Variants in CDC26 observed in about 807,000 individuals in gnomAD.
CDC26 encodes cell division cycle 26.
Under a neutral mutation model 8.0 loss-of-function variants are expected in CDC26, and 2 were observed. The observed-to-expected ratio is 0.25, with a 90% CI of 0.10 to 0.79. CDC26 has a LOEUF of 0.79. CDC26 is among the 30% of genes least tolerant of loss of function. The pLI is 0.70. For missense variants in CDC26, 68 were observed against 106.0 expected (o/e 0.64, Z 1.57); for synonymous variants, 19 against 34.9 (o/e 0.55, Z 1.60).
intron 3 of CDC26, among the ~76,000 whole-genome samples, chr9:113,268,059 T>C (rs1356270397): frequency 6.6e-6 from 1 of 152,076 alleles, no homozygotes; most frequent in Non-Finnish European, 1.5e-5. Flanking sequence ...AACAGACGAT[T>C]ATAGGGTGAT....
At chr9:113,273,204 T>C (rs1831987563) in intron 2 of CDC26, 125 bp downstream of exon 2, 1 of 152,202 alleles carries the variant, frequency 6.6e-6, no homozygotes, top group Non-Finnish European at 1.5e-5. Context: ...CATCTTAGTA[T>C]AGTTAGAGGA....
rs1213944015 is a variant in CDC26 at position 113,275,546 on chromosome 9, C to G, written c.-316G>C. Reference sequence around the variant, plus strand: ...TGGAGGTTCTAGGAGGGATGCCCCTCAATGCCACGACGCCATTTCCTACTA... The same window carrying G: ...TGGAGGTTCTAGGAGGGATGCCCCTGAATGCCACGACGCCATTTCCTACTA... On this transcript the variant is annotated 5_prime_UTR_variant, in exon 1 of 4. It removes the in-frame stop codon of an upstream open reading frame in the 5' UTR. Transcript: ENST00000374206. 1.8e-6 allele frequency: 1 copy of G among 554,582 alleles called. No individual in the cohort carries two copies. The highest frequency in any genetic ancestry group is 1.9e-5 in the African/African-American group (1 of 51,378). The allele number at this position is 554,582 out of a possible 1,614,324, so 34.4% of individuals were successfully genotyped here.
chr9:113,269,067 A>T lies in CDC26; in HGVS notation c.82-1628T>A, dbSNP rs553760420. On this transcript the variant is annotated intron_variant, in intron 3 of 3. Transcript: ENST00000374206. ...CCGCACCCGGCCCACAAAAAAATTT[A>T]AAAATTAGCCAGGCATGGTGGCGCA... 5.9e-5 allele frequency among the ~76,000 whole-genome samples: 9 copies of T among 152,184 alleles called. No homozygotes were observed. In the East Asian group the frequency reaches 1.2e-3, roughly 20 times the overall value.
chr9:113,272,309 G>A (rs1289909799), intron 3 of CDC26, 118 bp downstream of exon 3: 31 of 743,092 alleles, frequency 4.2e-5, no homozygotes, highest in Non-Finnish European at 6.6e-5. Context: ...GTCCCAGCAC[G>A]CGGGAGGCTG....
intron 1 of CDC26, among the ~76,000 whole-genome samples, chr9:113,273,895 TA>T (rs1182217415): frequency 2.0e-5 from 3 of 151,730 alleles, no homozygotes; most frequent in African/African-American, 7.3e-5. Context: ...AATACTATGT[TA>T]ACAAAAACCA....
intron 3 of CDC26, among the ~76,000 whole-genome samples, chr9:113,268,517 T>A (rs1040639679): frequency 2.6e-5 from 4 of 152,192 alleles, no homozygotes; most frequent in Non-Finnish European, 5.9e-5. Context: ...GAGAGTGAAA[T>A]GATGTTTTAT....
intron 3 of CDC26, among the ~76,000 whole-genome samples, chr9:113,268,756 C>A (rs1002111333): frequency 6.6e-6 from 1 of 151,644 alleles, no homozygotes; most frequent in African/African-American, 2.4e-5. Context: ...TCTGTCTCCA[C>A]AATTTTTTTT....
intron 1 of CDC26, among the ~76,000 whole-genome samples, chr9:113,274,394 C>G (rs1832019906): frequency 6.6e-6 from 1 of 152,060 alleles, no homozygotes; most frequent in South Asian, 2.1e-4. Flanking sequence ...ATATTATCAA[C>G]ACAAAACACT....
rs965066868 is a variant in CDC26, at chr9:113,267,877, CT to C, written c.82-439del. On this transcript the variant is annotated intron_variant, in intron 3 of 3. Transcript: ENST00000374206. ...TGGCGCATGCCTGTAATCCCAGCTA[CT>C]TGGGAGGCTGAGGCAGGAGAATCGC... Among the ~76,000 whole-genome samples, 44 of 152,220 alleles carry C rather than the reference CT, an allele frequency of 2.9e-4. 1 individual carries two copies. The highest frequency in any genetic ancestry group is 2.6e-3 in the Admixed American group (40 of 15,276).
At chr9:113,268,014 C>T (rs1831890950) in intron 3 of CDC26, among the ~76,000 whole-genome samples, 1 of 151,830 alleles carries the variant, frequency 6.6e-6, no homozygotes, top group Admixed American at 6.6e-5. Context: ...AACCCCTACC[C>T]TCCAGGATGT....
intron 1 of CDC26, among the ~76,000 whole-genome samples, chr9:113,274,907 G>A (rs927939354): frequency 2.6e-5 from 4 of 152,230 alleles, no homozygotes; most frequent in African/African-American, 9.6e-5. Context: ...CCGCCCATGT[G>A]GGGATAAAAA....
chr9:113,267,538 G>C (rs1213509365), intron 3 of CDC26, 99 bp from the exon 4 acceptor site: 1 of 1,392,128 alleles, frequency 7.2e-7, no homozygotes, highest in East Asian at 2.3e-5. Context: ...CTAAATGATA[G>C]AGTTAGGGTG....
chr9:113,267,781 G>C (rs1052411549), intron 3 of CDC26, among the ~76,000 whole-genome samples: 1 of 152,076 alleles, frequency 6.6e-6, no homozygotes, highest in Non-Finnish European at 1.5e-5. Context: ...GAGGTCAGGA[G>C]ATCGAGACCA....
intron 3 of CDC26, among the ~76,000 whole-genome samples, chr9:113,269,243 A>T (rs927602925): frequency 4.6e-5 from 7 of 152,176 alleles, no homozygotes; most frequent in Admixed American, 2.0e-4. Context: ...TAAAAAAAAA[A>T]AATAAATGCC....
chr9:113,271,437 TAAG>T (rs1226967950), intron 3 of CDC26, among the ~76,000 whole-genome samples: 9 of 151,986 alleles, frequency 5.9e-5, no homozygotes, highest in Non-Finnish European at 1.5e-5. Flanking sequence ...ACACATATCA[TAAG>T]AAGGAGGCAG....
rs904993213 is a variant in CDC26 at position 113,266,999 on chromosome 9, T to C, written c.*264A>G. 74 of 408,926 alleles carry C rather than the reference T, an allele frequency of 1.8e-4. No homozygotes were observed. Among genetic ancestry groups the C allele is most frequent in the Non-Finnish European group, 2.7e-4 (63 of 230,444 alleles). 25.3% of individuals were successfully genotyped at this position (408,926 alleles called of 1,614,324 possible). ...CAGTACTGTTATACTTCATTAAGGA[T>C]GCCTCACATTTTTCCAAAAATATAT... is the stretch of plus-strand genomic sequence containing the variant. On this transcript the variant is annotated 3_prime_UTR_variant, in exon 4 of 4. Transcript: ENST00000374206.
At chr9:113,267,513 T>C (rs1831882231) in intron 3 of CDC26, 74 bp from the exon 4 acceptor site, 1 of 1,514,206 alleles carries the variant, frequency 6.6e-7, no homozygotes, top group Non-Finnish European at 8.9e-7. Flanking sequence ...ACACCTACCA[T>C]GTACTAGGCA....
chr9:113,275,453 T>C lies in CDC26; in HGVS notation c.-223A>G. On this transcript the variant is annotated 5_prime_UTR_variant, in exon 1 of 4. Transcript: ENST00000374206. ...CCAACGAAACTACTGCTAAGCCAAC[T>C]GGACTACACTTCCCAGACTGCTTGG... 1 of 393,540 alleles carries C rather than the reference T, an allele frequency of 2.5e-6. No individual in the cohort carries two copies. Among genetic ancestry groups the C allele is most frequent in the East Asian group, 4.0e-5 (1 of 24,734 alleles). 24.4% of individuals were successfully genotyped at this position (393,540 alleles called of 1,614,324 possible). A position where few individuals can be genotyped will look rare whatever the true frequency, so the allele number is the denominator to read the frequency against.
rs1832053960 is a variant in CDC26, at chr9:113,275,528, T to G, written c.-298A>C. 1.9e-6 allele frequency: 1 copy of G among 538,632 alleles called. No homozygotes were observed. Among genetic ancestry groups the G allele is most frequent in the South Asian group, 2.3e-5 (1 of 43,614 alleles). 33.4% of individuals were successfully genotyped at this position (538,632 alleles called of 1,614,324 possible). A position where few individuals can be genotyped will look rare whatever the true frequency, so the allele number is the denominator to read the frequency against. On this transcript the variant is annotated 5_prime_UTR_variant, in exon 1 of 4. Coordinates refer to ENST00000374206, the MANE Select transcript of CDC26 (RefSeq NM_139286.4). The stretch of plus-strand genomic sequence containing the variant: ...TCTTCCGCGAGCTTTTCCTGGAGGT[T>G]CTAGGAGGGATGCCCCTCAATGCCA...
Sources: gnomAD v4.1 joint callset for allele counts (sites outside exome capture counted in the v4.1 genomes callset) on GRCh38, gnomAD v4.1.1 for gene constraint, MANE v1.5 for transcripts, NCBI Gene and HGNC (gene_info 2026-07-23, HGNC 2026-07-21) for gene names.